The following IQGAP3 variants were observed in gnomAD, a reference collection of about 807,000 sequenced individuals.
IQGAP3 encodes the protein IQ motif containing GTPase activating protein 3, also known as ras GTPase-activating-like protein IQGAP3.
A neutral mutation model predicts 208.2 loss-of-function variants in IQGAP3; 165 were observed. The ratio of observed to expected loss-of-function variants is 0.79; its 90% CI spans 0.70 to 0.90. IQGAP3 has a LOEUF of 0.90. Among genes scored for constraint, IQGAP3 ranks in the 40% least tolerant of loss-of-function variants. IQGAP3 has a pLI of 0.00. For synonymous variants in IQGAP3, 703 were observed against 803.6 expected (o/e 0.87, Z 2.12); for missense variants, 1,811 against 2,043.1 (o/e 0.89, Z 2.19).
At chr1:156,540,351 A>G (rs1478014941) in intron 23 of IQGAP3, among the ~76,000 whole-genome samples, 1 of 152,172 alleles carries the variant, frequency 6.6e-6, no homozygotes, top group Non-Finnish European at 1.5e-5. Context: ...GTAATTTATG[A>G]TTTAAACAGC....
At chr1:156,530,405 A>G (rs1228081664) in intron 33 of IQGAP3, 88 bp from the exon 34 acceptor site, 4 of 1,158,998 alleles carry the variant, frequency 3.5e-6, no homozygotes, top group Non-Finnish European at 4.9e-6. Context: ...CCAGCAACAA[A>G]GGGAGGCCTG....
chr1:156,531,177 A>G lies in IQGAP3; in HGVS notation c.4174T>C (p.Ser1392Pro), dbSNP rs760284790. Residue 1392 changes from serine (S) to proline (P), a missense_variant, in exon 33 of 38, where the codon TCG becomes CCG. Coordinates refer to ENST00000361170, the MANE Select transcript of IQGAP3 (RefSeq NM_178229.5). Reference protein sequence around the residue: ...GDTLKEILSLSASREQEAAHK... With the variant: ...GDTLKEILSLPASREQEAAHK... ...CTACTCACTTGCTCTCTGGAAGCCG[A>G]GAGGGACAGGATCTCCTTGAGGGTG... 5.0e-6 allele frequency: 8 copies of G among 1,613,512 alleles called. No individual in the cohort carries two copies. Among genetic ancestry groups the G allele is most frequent in the South Asian group, 1.1e-5 (1 of 91,072 alleles).
chr1:156,529,146 A>T, intron 34 of IQGAP3, 64 bp from the exon 35 acceptor site: 8 of 1,529,150 alleles, frequency 5.2e-6, no homozygotes, highest in Non-Finnish European at 6.3e-6. Flanking sequence ...TTAGGGCCTG[A>T]CACAGGCCCA....
intron 13 of IQGAP3, 55 bp from the exon 14 acceptor site, chr1:156,552,150 A>T: frequency 6.3e-7 from 1 of 1,592,848 alleles, no homozygotes; most frequent in African/African-American, 1.3e-5. Context: ...ATCAGCCAGA[A>T]GTCAGGGGAA....
At chr1:156,540,046 A>G (rs1349907510) in intron 23 of IQGAP3, 56 bp from the exon 24 acceptor site, 1 of 1,600,482 alleles carries the variant, frequency 6.2e-7, no homozygotes, top group East Asian at 2.2e-5. Flanking sequence ...CAGGGCACAG[A>G]ACATACGGTC....
intron 4 of IQGAP3, among the ~76,000 whole-genome samples, 167 bp from the exon 5 acceptor site, chr1:156,564,858 T>C (rs946814551): frequency 6.6e-6 from 1 of 152,116 alleles, no homozygotes; most frequent in African/African-American, 2.4e-5. Flanking sequence ...GTCAGCCTAG[T>C]ATAAAAGAAA....
At chr1:156,537,893 T>A (rs1232627734) in intron 26 of IQGAP3, among the ~76,000 whole-genome samples, 1 of 136,542 alleles carries the variant, frequency 7.3e-6, no homozygotes, top group African/African-American at 2.9e-5. Flanking sequence ...TCCCAGCAAA[T>A]TTTTTTTTTT....
chr1:156,552,627 C>A (rs548088327), intron 13 of IQGAP3, among the ~76,000 whole-genome samples: 5 of 152,346 alleles, frequency 3.3e-5, no homozygotes, highest in Non-Finnish European at 7.3e-5. Flanking sequence ...TATCCAAAAT[C>A]TGACTCCTTT....
At chr1:156,529,227 G>C in intron 34 of IQGAP3, 145 bp from the exon 35 acceptor site, 1 of 880,606 alleles carries the variant, frequency 1.1e-6, no homozygotes, top group Non-Finnish European at 1.8e-6. Flanking sequence ...AAAATCTCAA[G>C]GATGGTATTC....
intron 36 of IQGAP3, 102 bp downstream of exon 36, chr1:156,528,407 G>A (rs1189216852): frequency 1.1e-5 from 9 of 800,722 alleles, no homozygotes; most frequent in Middle Eastern, 3.5e-4. Context: ...CTTCAAGATC[G>A]GGACCATGCT....
intron 10 of IQGAP3, 112 bp downstream of exon 10, chr1:156,561,726 T>G: frequency 9.6e-7 from 1 of 1,046,382 alleles, no homozygotes; most frequent in Non-Finnish European, 1.4e-6. Flanking sequence ...TTTAAACACG[T>G]AGTCAGCACT....
intron 1 of IQGAP3, among the ~76,000 whole-genome samples, chr1:156,571,997 C>T (rs1030205435): frequency 2.0e-5 from 3 of 152,210 alleles, no homozygotes; most frequent in African/African-American, 7.2e-5. Context: ...CAAACCAGAC[C>T]TTCTGGAACT....
intron 11 of IQGAP3, among the ~76,000 whole-genome samples, chr1:156,560,121 A>G (rs1050649740): frequency 6.6e-6 from 1 of 152,242 alleles, no homozygotes; most frequent in Non-Finnish European, 1.5e-5. Context: ...TCCACAGGCT[A>G]CTGCATTTTG....
In IQGAP3 at chr1:156,566,038, C is replaced by T. The variant is rs369563581; in HGVS notation, c.349G>A (p.Gly117Ser). The T allele has an allele frequency of 6.0e-5, 96 of 1,613,016 alleles. No individual in the cohort carries two copies. The highest frequency in any genetic ancestry group is 2.4e-4 in the African/African-American group (18 of 74,852). ...AGGCCCAGTATTACCGAAGGCAGAC[C>T]GATGTGGGCTATTGCAGATAGCCAA... ...NFWLSAIAHI[G>S]LPSTFFPETT... is the part of the protein sequence containing the mutation. Residue 117 changes from glycine to serine, a missense_variant, in exon 4 of 38, where the codon GGT becomes AGT. Physicochemically the swap from Gly to Ser is moderately conservative, Grantham distance 56. Coordinates refer to ENST00000361170, the MANE Select transcript of IQGAP3 (RefSeq NM_178229.5).
intron 19 of IQGAP3, among the ~76,000 whole-genome samples, chr1:156,547,713 C>A (rs1211478681): frequency 6.6e-6 from 1 of 152,224 alleles, no homozygotes; most frequent in Non-Finnish European, 1.5e-5. Context: ...TAACTTCTAA[C>A]ATGTTCTTAC....
chr1:156,539,217 C>T (rs1674859496), intron 25 of IQGAP3, 157 bp downstream of exon 25: 4 of 834,804 alleles, frequency 4.8e-6, no homozygotes, highest in African/African-American at 1.7e-5. Context: ...TGTGCTGTCC[C>T]AGATGTTTTA....
chr1:156,560,911 C>A (rs765654753), intron 11 of IQGAP3, 23 bp downstream of exon 11: 11 of 1,523,896 alleles, frequency 7.2e-6, no homozygotes, highest in Admixed American at 3.3e-5. Flanking sequence ...ACAGAGCAGG[C>A]CTCAGACCTG....
At chr1:156,533,481 G>A (rs141681253) in intron 31 of IQGAP3, among the ~76,000 whole-genome samples, 3 of 152,160 alleles carry the variant, frequency 2.0e-5, no homozygotes, top group Admixed American at 6.5e-5. Context: ...TCCATGGCCC[G>A]GAAACCCCTC....
intron 19 of IQGAP3, among the ~76,000 whole-genome samples, chr1:156,546,686 G>A (rs908015619): frequency 1.3e-5 from 2 of 152,098 alleles, no homozygotes; most frequent in African/African-American, 2.4e-5. Flanking sequence ...TGAGGAAACC[G>A]AGTGCTAGAG....
Sources: allele counts gnomAD v4.1 joint callset (sites outside exome capture counted in the v4.1 genomes callset), GRCh38; gene constraint gnomAD v4.1.1; transcripts MANE v1.5; gene names NCBI Gene and HGNC (gene_info 2026-07-23, HGNC 2026-07-21).